The following RGL1 variants were observed in gnomAD, a reference collection of about 807,000 sequenced individuals.
RGL1 encodes ral guanine nucleotide dissociation stimulator-like 1.
In RGL1, 24 loss-of-function variants were observed where a neutral mutation model predicts 95.2. The observed-to-expected ratio is 0.25, with a 90% confidence interval of 0.18 to 0.35. The LOEUF is 0.35. Ranked by LOEUF, RGL1 falls within the 10% of genes least tolerant of loss-of-function variation. The pLI is 1.00. For synonymous variants in RGL1, 329 were observed against 344.9 expected, an observed-to-expected ratio of 0.95 and a Z score of 0.51; for missense variants, 715 against 936.3, an observed-to-expected ratio of 0.76 and a Z score of 3.08.
In RGL1 at chr1:183,927,483, A is replaced by T. The variant is rs1465906994; in HGVS notation, c.*1191A>T. ...ACTGTGCCTAGTCGTGGGGAAAGAG[A>T]TGGGGCTGTATAGATTATCTGAATC... On this transcript the variant is annotated 3_prime_UTR_variant, in exon 18 of 18. Coordinates refer to ENST00000360851, the MANE Select transcript of RGL1 (RefSeq NM_001297671.3). The T allele has an allele frequency of 6.6e-6, 1 of 152,160 alleles. No individual in the cohort carries two copies. Among genetic ancestry groups the T allele is most frequent in the Non-Finnish European group, 1.5e-5 (1 of 67,996 alleles). 9.4% of individuals were successfully genotyped at this position (152,160 alleles called of 1,614,324 possible).
chr1:183,711,127 C>T (rs1655236907), intron 1 of RGL1, among the ~76,000 whole-genome samples: 1 of 152,158 alleles, frequency 6.6e-6, no homozygotes, highest in African/African-American at 2.4e-5. Flanking sequence ...GGGTCACACA[C>T]GATGTCTCAA....
intron 15 of RGL1, among the ~76,000 whole-genome samples, chr1:183,913,012 G>T (rs770611501): frequency 6.6e-6 from 1 of 152,100 alleles, no homozygotes; most frequent in South Asian, 2.1e-4. Context: ...ACAGCTGCAG[G>T]GGAAGATGAG....
upstream of RGL1, chr1:183,805,090 G>C (rs1023148250): frequency 3.8e-5 from 18 of 472,300 alleles, no homozygotes; most frequent in African/African-American, 3.5e-4. Flanking sequence ...TCTGCTCCTC[G>C]CTTGCTCGCT....
intron 7 of RGL1, among the ~76,000 whole-genome samples, chr1:183,886,155 T>TTA: frequency 6.6e-6 from 1 of 152,276 alleles, no homozygotes; most frequent in East Asian, 1.9e-4. Flanking sequence ...TTTGCTGTCT[T>TTA]TGATTAAAGA....
chr1:183,880,877 G>T, intron 5 of RGL1, 77 bp downstream of exon 5: 4 of 1,378,118 alleles, frequency 2.9e-6, no homozygotes, highest in Non-Finnish European at 4.0e-6. Flanking sequence ...GGTTCTCCCT[G>T]TGCTGGCTAA....
At chr1:183,682,233 CTTCTCT>C (rs1653268693) in intron 1 of RGL1, among the ~76,000 whole-genome samples, 1 of 152,044 alleles carries the variant, frequency 6.6e-6, no homozygotes, top group South Asian at 2.1e-4. Context: ...TTTGCTCCTG[CTTCTCT>C]AGTTCTTTTA....
At chr1:183,733,741 T>G (rs1160736636) in intron 1 of RGL1, among the ~76,000 whole-genome samples, 2 of 152,226 alleles carry the variant, frequency 1.3e-5, no homozygotes, top group Non-Finnish European at 2.9e-5. Context: ...CAAACTGGTG[T>G]TTTGGTCTTC....
chr1:183,818,698 ATAGT>A (rs1223614558), intron 2 of RGL1, among the ~76,000 whole-genome samples: 12 of 152,350 alleles, frequency 7.9e-5, no homozygotes, highest in Admixed American at 2.6e-4. Flanking sequence ...TGTTTGAGAC[ATAGT>A]TAGTACTTAG....
In RGL1 at chr1:183,888,380, A is replaced by G. The variant is rs1373100845; in HGVS notation, c.952-94A>G. 4.0e-6 allele frequency: 3 copies of G among 747,442 alleles called. No homozygotes were observed. The East Asian group carries it at 7.5e-5, about 19-fold the overall frequency. 46.3% of individuals were successfully genotyped at this position (747,442 alleles called of 1,614,324 possible). A position where few individuals can be genotyped will look rare whatever the true frequency, so the allele number is the denominator to read the frequency against. On this transcript the variant is annotated intron_variant, in intron 7 of 17. Transcript: ENST00000360851. ...GCTGCCTATTTTGTGGTAAGAATTC[A>G]TAGCAGCTGTGATACCTCTAAAACA...
intron 3 of RGL1, among the ~76,000 whole-genome samples, chr1:183,849,057 T>C (rs913442811): frequency 2.6e-5 from 4 of 151,924 alleles, no homozygotes; most frequent in Non-Finnish European, 5.9e-5. Flanking sequence ...CAGTACATAG[T>C]CTGTTCTGCA....
rs1246727991 is a variant in RGL1, at chr1:183,689,507, CTAGA to C, written c.-32-52611_-32-52608del. Among the ~76,000 whole-genome samples, 4 of 152,284 alleles carry C rather than the reference CTAGA, an allele frequency of 2.6e-5. No individual in the cohort carries two copies. In the East Asian group the frequency reaches 5.8e-4, roughly 22 times the overall value. ...CTCCACTATGACTTCACTAACATTT[CTAGA>C]TAGATAGTTGCTCCTTTCTATTGCT... On this transcript the variant is annotated intron_variant, in intron 1 of 18. Coordinates refer to the RGL1 transcript ENST00000304685.
At chr1:183,711,888 C>G (rs982045814) in intron 1 of RGL1, among the ~76,000 whole-genome samples, 1 of 152,196 alleles carries the variant, frequency 6.6e-6, no homozygotes, top group Non-Finnish European at 1.5e-5. Flanking sequence ...TCTATCCACC[C>G]AAGAGCTAAA....
At chr1:183,757,945 C>CCATT (rs376574500) in intron 2 of RGL1, among the ~76,000 whole-genome samples, 90 of 152,332 alleles carry the variant, frequency 5.9e-4, no homozygotes, top group African/African-American at 2.1e-3. Context: ...CAGACCATAA[C>CCATT]CATTCCTGGC....
chr1:183,907,788 G>A (rs1229263913), intron 14 of RGL1, among the ~76,000 whole-genome samples: 1 of 152,068 alleles, frequency 6.6e-6, no homozygotes, highest in Non-Finnish European at 1.5e-5. Flanking sequence ...CCAGGAGTTT[G>A]AGACCAGCCT....
chr1:183,640,725 A>T (rs1649868628), intron 1 of RGL1, among the ~76,000 whole-genome samples: 1 of 152,200 alleles, frequency 6.6e-6, no homozygotes, highest in Non-Finnish European at 1.5e-5. Flanking sequence ...ATCACACTGT[A>T]TAATATTTGA....
intron 2 of RGL1, among the ~76,000 whole-genome samples, chr1:183,799,358 T>A (rs960761112): frequency 6.6e-6 from 1 of 152,200 alleles, no homozygotes; most frequent in African/African-American, 2.4e-5. Flanking sequence ...CATATGGTAG[T>A]TCTATTTTTA....
intron 1 of RGL1, among the ~76,000 whole-genome samples, chr1:183,712,183 C>T (rs925801308): frequency 6.6e-6 from 1 of 152,176 alleles, no homozygotes; most frequent in Admixed American, 6.5e-5. Context: ...TGGGAGGGCC[C>T]TTGACAGATG....
In RGL1 at chr1:183,867,711, G is replaced by A. The variant is rs115346482; in HGVS notation, c.425+1638G>A. ...TCCTATGAGAAAACATCCATGATGC[G>A]GGGGTGGGGGCCATTGTAGGGGTGA... On this transcript the variant is annotated intron_variant, in intron 4 of 17. Coordinates refer to ENST00000360851, the MANE Select transcript of RGL1 (RefSeq NM_001297671.3). 4.2e-3 allele frequency among the ~76,000 whole-genome samples: 639 copies of A among 152,216 alleles called. 7 individuals are homozygous for A. Among genetic ancestry groups the A allele is most frequent in the African/African-American group, 0.015 (618 of 41,548 alleles).
chr1:183,844,834 A>T (rs1191486462), intron 2 of RGL1, among the ~76,000 whole-genome samples: 2 of 152,230 alleles, frequency 1.3e-5, no homozygotes, highest in African/African-American at 2.4e-5. Context: ...CCTGAACCAG[A>T]TCCCTCTCCC....
Sources: gnomAD v4.1 joint callset for allele counts (sites outside exome capture counted in the v4.1 genomes callset) on GRCh38, gnomAD v4.1.1 for gene constraint, MANE v1.5 for transcripts, NCBI Gene and HGNC (gene_info 2026-07-23, HGNC 2026-07-21) for gene names.